The following ABCD3 variants were observed in gnomAD, a reference collection of about 807,000 sequenced individuals.
ABCD3 encodes the protein ATP-binding cassette sub-family D member 3.
ABCD3 carries 41 observed loss-of-function variants against 105.5 expected under a neutral mutation model. The observed-to-expected ratio is 0.39, with a 90% confidence interval of 0.30 to 0.50. The LOEUF (loss-of-function observed/expected upper bound fraction) is 0.50, where lower values mean the gene tolerates loss of function less well. Ranked by LOEUF, ABCD3 falls within the 20% of genes least tolerant of loss-of-function variation. ABCD3 has a pLI of 0.84. For synonymous variants in ABCD3, 258 were observed against 269.0 expected (o/e 0.96, Z 0.40); for missense variants, 622 against 806.3 (o/e 0.77, Z 2.77).
chr1:94,454,035 T>C (rs554128290), intron 1 of ABCD3, among the ~76,000 whole-genome samples: 46 of 151,948 alleles, frequency 3.0e-4, no homozygotes, highest in Non-Finnish European at 6.5e-4. Flanking sequence ...ATGTGGTCTA[T>C]ATATATATGT....
At chr1:94,512,064 C>T (rs1051930702) in intron 21 of ABCD3, among the ~76,000 whole-genome samples, 2 of 152,048 alleles carry the variant, frequency 1.3e-5, no homozygotes, top group Non-Finnish European at 2.9e-5. Context: ...GGAGGAGAGG[C>T]GCTCTGCTTT....
chr1:94,433,477 G>A (rs1659770803), intron 1 of ABCD3, among the ~76,000 whole-genome samples: 2 of 151,818 alleles, frequency 1.3e-5, no homozygotes, highest in Admixed American at 1.3e-4. Flanking sequence ...TTATTGTTGT[G>A]TGAACATCAT....
chr1:94,452,432 G>A (rs1647300961), intron 1 of ABCD3, among the ~76,000 whole-genome samples: 1 of 152,240 alleles, frequency 6.6e-6, no homozygotes, highest in Non-Finnish European at 1.5e-5. Flanking sequence ...TAACCTGATA[G>A]ATGAAGGTAA....
the ABCD3 span, among the ~76,000 whole-genome samples, chr1:94,392,632 C>G: frequency 6.6e-6 from 1 of 152,132 alleles, no homozygotes; most frequent in Admixed American, 6.6e-5. Flanking sequence ...CTTCCTTTTC[C>G]GTAAATACAT....
intron 7 of ABCD3, among the ~76,000 whole-genome samples, chr1:94,477,705 G>A (rs1467218706): frequency 7.5e-5 from 5 of 67,090 alleles, no homozygotes; most frequent in Admixed American, 3.5e-4. Flanking sequence ...TGTGTGTAAA[G>A]AGCAGTACAT....
Position 94,464,937 on chromosome 1 carries a change from T to C in ABCD3, c.246+64T>C, listed in dbSNP as rs111975282. ...CGTTCTTTAATAAAATACCTGAGGC[T>C]GGGTAATTTATAAAGAAAAGAGATT... On this transcript the variant is annotated intron_variant, in intron 3 of 22. Coordinates refer to ENST00000370214, the MANE Select transcript of ABCD3 (RefSeq NM_002858.4). 87 of 1,311,800 alleles carry C rather than the reference T, an allele frequency of 6.6e-5. No homozygotes were observed. The African/African-American group carries it at 1.1e-3, about 17-fold the overall frequency. 81.3% of individuals were successfully genotyped at this position (1,311,800 alleles called of 1,614,324 possible).
the ABCD3 span, among the ~76,000 whole-genome samples, chr1:94,411,861 G>A: frequency 1.3e-5 from 2 of 152,076 alleles, no homozygotes; most frequent in Non-Finnish European, 2.9e-5. Flanking sequence ...GATTAACCTC[G>A]GAAACTTTAT....
rs1022446738 is a variant in ABCD3, at chr1:94,509,215, A to G, written c.1845+2573A>G. Among the ~76,000 whole-genome samples, 6 of 152,168 alleles carry G rather than the reference A, an allele frequency of 3.9e-5. 1 individual carries two copies. Among genetic ancestry groups the G allele is most frequent in the Admixed American group, 2.0e-4 (3 of 15,272 alleles). The stretch of plus-strand genomic sequence containing the variant: ...CATGAATGGTTGTTGAATTTTGTCA[A>G]AGGCCTTTTCTGCATCTATTGAGAT... On this transcript the variant is annotated intron_variant, in intron 21 of 22. Coordinates refer to ENST00000370214, the MANE Select transcript of ABCD3 (RefSeq NM_002858.4).
At chr1:94,390,800 A>G in the ABCD3 span, among the ~76,000 whole-genome samples, 80 of 152,326 alleles carry the variant, frequency 5.3e-4, 1 homozygote, top group South Asian at 1.2e-3. Flanking sequence ...CCGACAGCAC[A>G]TTCAGAAACC....
intron 8 of ABCD3, chr1:94,478,761 A>T (rs960449478): frequency 1.3e-6 from 1 of 769,110 alleles, no homozygotes; most frequent in African/African-American, 1.8e-5. Flanking sequence ...ATGTCTAAAA[A>T]GAGATATGGA....
At chr1:94,409,916 T>A in the ABCD3 span, among the ~76,000 whole-genome samples, 1 of 152,204 alleles carries the variant, frequency 6.6e-6, no homozygotes, top group South Asian at 2.1e-4. Flanking sequence ...GGTCCTAAGA[T>A]GGGAACGGTG....
intron 2 of ABCD3, among the ~76,000 whole-genome samples, chr1:94,462,380 G>C (rs551560657): frequency 1.3e-5 from 2 of 152,132 alleles, no homozygotes; most frequent in African/African-American, 4.8e-5. Context: ...TTGGTTTCAG[G>C]TAGAGTTTTG....
chr1:94,392,181 T>C, the ABCD3 span, among the ~76,000 whole-genome samples: 1 of 152,372 alleles, frequency 6.6e-6, no homozygotes, highest in African/African-American at 2.4e-5. Context: ...ATTCTTCTTC[T>C]CTTTCTTAAA....
At chr1:94,479,267 A>G (rs1367762064) in intron 8 of ABCD3, among the ~76,000 whole-genome samples, 1 of 152,022 alleles carries the variant, frequency 6.6e-6, no homozygotes, top group Admixed American at 6.6e-5. Context: ...GTCTCCTTGC[A>G]GTCATATTTT....
chr1:94,421,979 T>G (rs1483542464), intron 1 of ABCD3, among the ~76,000 whole-genome samples: 1 of 152,312 alleles, frequency 6.6e-6, no homozygotes, highest in East Asian at 1.9e-4. Context: ...ATACAAACTT[T>G]CTGTATTCAT....
chr1:94,448,516 G>A (rs575388512), intron 1 of ABCD3, among the ~76,000 whole-genome samples: 1 of 152,186 alleles, frequency 6.6e-6, no homozygotes, highest in Admixed American at 6.5e-5. Context: ...TTTTCCAGAC[G>A]CCTTATACTT....
At chr1:94,420,361 G>T (rs1175967438) in intron 1 of ABCD3, among the ~76,000 whole-genome samples, 1 of 152,162 alleles carries the variant, frequency 6.6e-6, no homozygotes, top group African/African-American at 2.4e-5. Context: ...AAATAGTAGC[G>T]ATAGAAGTAA....
intron 1 of ABCD3, among the ~76,000 whole-genome samples, chr1:94,457,230 G>T (rs1427166871): frequency 2.0e-5 from 3 of 151,940 alleles, no homozygotes; most frequent in Non-Finnish European, 4.4e-5. Context: ...AATGCATTTT[G>T]TATAACAGTT....
rs1397011087 is a variant in ABCD3 at position 94,498,687 on chromosome 1, C to T, written c.1464+8C>T. On this transcript the variant is annotated splice_region_variant and intron_variant, in intron 17 of 22. Transcript: ENST00000370214. ...TTCCGTGTTCTTGGTGAAGTAAGTA[C>T]AAGTTGGCCTCAAAATTTTGCAGTC... The T allele has an allele frequency of 6.2e-7, 1 of 1,612,878 alleles. No individual in the cohort carries two copies. Among genetic ancestry groups the T allele is most frequent in the East Asian group, 2.2e-5 (1 of 44,762 alleles).
Sources: gnomAD v4.1 joint callset for allele counts (sites outside exome capture counted in the v4.1 genomes callset) on GRCh38, gnomAD v4.1.1 for gene constraint, MANE v1.5 for transcripts, NCBI Gene and HGNC (gene_info 2026-07-23, HGNC 2026-07-21) for gene names.